FBXL17: variants seen among roughly 807,000 people sequenced by gnomAD.
FBXL17 encodes F-box and leucine rich repeat protein 17, also known as F-box/LRR-repeat protein 17.
A neutral mutation model predicts 66.2 loss-of-function variants in FBXL17; 22 were observed. The observed-to-expected ratio is 0.33, with a 90% CI of 0.24 to 0.47. The LOEUF is 0.47. Among genes scored for constraint, FBXL17 ranks in the 20% least tolerant of loss-of-function variants. FBXL17 has a pLI of 1.00. For missense variants in FBXL17, 878 were observed against 948.2 expected, an observed-to-expected ratio of 0.93 and a Z score of 0.97; for synonymous variants, 474 against 400.5, an observed-to-expected ratio of 1.18 and a Z score of -2.19.
intron 4 of FBXL17, among the ~76,000 whole-genome samples, chr5:108,331,183 G>A (rs987556488): frequency 6.6e-6 from 1 of 152,126 alleles, no homozygotes; most frequent in Non-Finnish European, 1.5e-5. Flanking sequence ...TTATCAATTA[G>A]TTCACTCAAT....
chr5:108,346,597 T>C (rs1747297724), intron 4 of FBXL17, among the ~76,000 whole-genome samples: 1 of 152,138 alleles, frequency 6.6e-6, no homozygotes, highest in African/African-American at 2.4e-5. Flanking sequence ...CACCATCCTT[T>C]AATTTACCTT....
At chr5:108,110,736 A>G (rs1472348177) in intron 6 of FBXL17, among the ~76,000 whole-genome samples, 1 of 151,916 alleles carries the variant, frequency 6.6e-6, no homozygotes, top group Non-Finnish European at 1.5e-5. Context: ...CTTTTTCAGT[A>G]TATTAGCATG....
At chr5:107,894,304 T>C (rs1002840117) in intron 7 of FBXL17, among the ~76,000 whole-genome samples, 11 of 152,194 alleles carry the variant, frequency 7.2e-5, no homozygotes, top group African/African-American at 2.7e-4. Flanking sequence ...GTAATTACTT[T>C]GAAAGGAATG....
At chr5:108,155,705 C>T (rs1220807869) in intron 6 of FBXL17, among the ~76,000 whole-genome samples, 1 of 152,048 alleles carries the variant, frequency 6.6e-6, no homozygotes, top group East Asian at 1.9e-4. Context: ...GCTCCTAGTC[C>T]ATAAACTGAT....
At chr5:108,011,650 A>AAAAAT (rs767163583) in intron 7 of FBXL17, among the ~76,000 whole-genome samples, 55 of 152,222 alleles carry the variant, frequency 3.6e-4, no homozygotes, top group Non-Finnish European at 5.3e-4. Flanking sequence ...CTAAAAATAC[A>AAAAAT]AAAATAAAAT....
At chr5:108,122,344 G>A (rs945724594) in intron 6 of FBXL17, among the ~76,000 whole-genome samples, 9 of 152,060 alleles carry the variant, frequency 5.9e-5, no homozygotes, top group African/African-American at 2.2e-4. Flanking sequence ...CAAATTCAGG[G>A]TCTGGCTCTT....
chr5:108,259,336 C>T (rs566444747), intron 4 of FBXL17, among the ~76,000 whole-genome samples: 5 of 152,218 alleles, frequency 3.3e-5, no homozygotes, highest in Admixed American at 2.6e-4. Flanking sequence ...CTATGAAGCT[C>T]ATTTTATTAT....
At chr5:108,342,567 C>T (rs987369861) in intron 4 of FBXL17, among the ~76,000 whole-genome samples, 7 of 152,100 alleles carry the variant, frequency 4.6e-5, no homozygotes, top group East Asian at 3.8e-4. Flanking sequence ...TTGGTTCAAA[C>T]GTGTGTGGAT....
chr5:108,245,566 T>G (rs1329295024), intron 4 of FBXL17, among the ~76,000 whole-genome samples: 1 of 152,198 alleles, frequency 6.6e-6, no homozygotes, highest in Non-Finnish European at 1.5e-5. Flanking sequence ...AAACAGCTTA[T>G]AAAATCCCAC....
chr5:108,343,626 G>T (rs867443917), intron 4 of FBXL17, among the ~76,000 whole-genome samples: 1 of 152,220 alleles, frequency 6.6e-6, no homozygotes, highest in Middle Eastern at 3.4e-3. Context: ...GGAAATGGAA[G>T]CTTTCACATA....
At chr5:108,147,051 G>A (rs1159564118) in intron 6 of FBXL17, among the ~76,000 whole-genome samples, 1 of 152,120 alleles carries the variant, frequency 6.6e-6, no homozygotes, top group African/African-American at 2.4e-5. Flanking sequence ...AAGGGGACAG[G>A]GGCATTCACT....
At chr5:107,972,391 C>T (rs559279291) in intron 7 of FBXL17, among the ~76,000 whole-genome samples, 20 of 152,254 alleles carry the variant, frequency 1.3e-4, no homozygotes, top group African/African-American at 4.6e-4. Context: ...GGTTGTCTGG[C>T]TCGTTTCTAC....
intron 4 of FBXL17, among the ~76,000 whole-genome samples, chr5:108,270,950 C>CT (rs962030626): frequency 6.6e-6 from 1 of 152,062 alleles, no homozygotes; most frequent in Non-Finnish European, 1.5e-5. Context: ...ACATTCATCT[C>CT]TCCCCCTTTC....
intron 4 of FBXL17, among the ~76,000 whole-genome samples, chr5:108,231,601 T>C (rs1009309289): frequency 2.6e-5 from 4 of 152,152 alleles, no homozygotes; most frequent in Admixed American, 2.0e-4. Flanking sequence ...GAGGTCTTAG[T>C]TCCAGAGGAA....
At chr5:107,945,199 A>T (rs754930532) in intron 7 of FBXL17, among the ~76,000 whole-genome samples, 10 of 152,142 alleles carry the variant, frequency 6.6e-5, no homozygotes, top group Non-Finnish European at 1.5e-4. Context: ...TATAAATTTA[A>T]ACCTTAAGGA....
intron 1 of FBXL17, among the ~76,000 whole-genome samples, chr5:108,376,380 G>A (rs987353271): frequency 6.6e-6 from 1 of 152,052 alleles, no homozygotes; most frequent in Admixed American, 6.6e-5. Flanking sequence ...GAAAATCCCA[G>A]AGAATAAACA....
At chr5:108,249,307 T>C (rs1251523920) in intron 4 of FBXL17, among the ~76,000 whole-genome samples, 2 of 151,800 alleles carry the variant, frequency 1.3e-5, no homozygotes, top group African/African-American at 4.8e-5. Flanking sequence ...TGCTAGGGAG[T>C]GTATGAGACA....
chr5:108,039,761 A>G (rs1746977421), intron 6 of FBXL17, among the ~76,000 whole-genome samples: 1 of 152,138 alleles, frequency 6.6e-6, no homozygotes, highest in Non-Finnish European at 1.5e-5. Flanking sequence ...CCATTAAAGT[A>G]GAAAAAATTA....
At chr5:108,335,185 T>C (rs1013534158) in intron 4 of FBXL17, among the ~76,000 whole-genome samples, 3 of 151,838 alleles carry the variant, frequency 2.0e-5, no homozygotes, top group African/African-American at 7.3e-5. Flanking sequence ...CATTAAAACA[T>C]TTTGAGTTCT....
Sources: allele counts gnomAD v4.1 joint callset (sites outside exome capture counted in the v4.1 genomes callset), GRCh38; gene constraint gnomAD v4.1.1; transcripts MANE v1.5; gene names NCBI Gene and HGNC (gene_info 2026-07-23, HGNC 2026-07-21).